Variants in ALK observed in about 807,000 individuals in gnomAD.
ALK encodes the protein ALK receptor tyrosine kinase, also known as ALK tyrosine kinase receptor.
In ALK, 74 loss-of-function variants were observed where a neutral mutation model predicts 163.1. That is an observed-to-expected ratio of 0.45 (90% confidence interval 0.38 to 0.55). The LOEUF is 0.55. Ranked by LOEUF, ALK falls within the 20% of genes least tolerant of loss-of-function variation. ALK has a pLI of 0.00. For missense variants in ALK, 2,063 were observed against 2,105.3 expected, an observed-to-expected ratio of 0.98 and a Z score of 0.39; for synonymous variants, 960 against 843.2, an observed-to-expected ratio of 1.14 and a Z score of -2.40.
intron 19 of ALK, chr2:29,224,619 C>T (rs917853982): frequency 4.4e-6 from 1 of 226,904 alleles, no homozygotes; most frequent in Non-Finnish European, 8.8e-6. Context: ...ATGAGTCACC[C>T]GCTATGTGCT....
chr2:29,541,046 A>G (rs1424634511), intron 3 of ALK, among the ~76,000 whole-genome samples: 5 of 152,156 alleles, frequency 3.3e-5, no homozygotes, highest in Non-Finnish European at 7.4e-5. Flanking sequence ...TTCCATAGAA[A>G]TACCTTTTAT....
chr2:29,604,429 A>C (rs1296757861), intron 3 of ALK, among the ~76,000 whole-genome samples: 1 of 152,168 alleles, frequency 6.6e-6, no homozygotes, highest in Non-Finnish European at 1.5e-5. Flanking sequence ...CAGATCTTTC[A>C]AACTCCTGCA....
At chr2:29,589,514 A>T (rs1403807634) in intron 3 of ALK, among the ~76,000 whole-genome samples, 1 of 152,214 alleles carries the variant, frequency 6.6e-6, no homozygotes, top group Non-Finnish European at 1.5e-5. Context: ...AAGTTTGTAC[A>T]GCTTATGAAC....
chr2:29,283,122 G>A (rs538198127), intron 9 of ALK, among the ~76,000 whole-genome samples: 2 of 152,216 alleles, frequency 1.3e-5, no homozygotes, highest in African/African-American at 4.8e-5. Context: ...CCTAGGGAAG[G>A]ATTCAAGTGC....
At chr2:29,603,599 T>A (rs1481615007) in intron 3 of ALK, among the ~76,000 whole-genome samples, 1 of 152,060 alleles carries the variant, frequency 6.6e-6, no homozygotes, top group East Asian at 1.9e-4. Flanking sequence ...TAGTTTTTTT[T>A]AGGCTTCCTT....
intron 4 of ALK, among the ~76,000 whole-genome samples, chr2:29,404,877 C>A (rs775209389): frequency 6.6e-6 from 1 of 152,134 alleles, no homozygotes; most frequent in Non-Finnish European, 1.5e-5. Flanking sequence ...CGAGGAAAAG[C>A]AGCACTCAAG....
At chr2:29,688,839 A>T (rs1049228206) in intron 3 of ALK, among the ~76,000 whole-genome samples, 1 of 152,140 alleles carries the variant, frequency 6.6e-6, no homozygotes, top group African/African-American at 2.4e-5. Flanking sequence ...CTACAGACAA[A>T]CTGAAGTGTG....
At chr2:29,480,194 C>T (rs1171054552) in intron 4 of ALK, among the ~76,000 whole-genome samples, 1 of 152,110 alleles carries the variant, frequency 6.6e-6, no homozygotes, top group African/African-American at 2.4e-5. Context: ...AGGAAAAGTA[C>T]AGTCTCATGT....
intron 4 of ALK, among the ~76,000 whole-genome samples, chr2:29,454,628 T>C (rs149242100): frequency 2.0e-5 from 3 of 152,240 alleles, no homozygotes; most frequent in African/African-American, 7.2e-5. Context: ...ATTGCATTGA[T>C]GAATATTATT....
intron 4 of ALK, among the ~76,000 whole-genome samples, chr2:29,454,982 C>T (rs1392763300): frequency 6.6e-6 from 1 of 152,276 alleles, no homozygotes; most frequent in East Asian, 1.9e-4. Flanking sequence ...AAATCACTGG[C>T]CCTAATTTAC....
chr2:29,212,864 C>T (rs1262674929), intron 24 of ALK, among the ~76,000 whole-genome samples: 1 of 152,086 alleles, frequency 6.6e-6, no homozygotes, highest in Non-Finnish European at 1.5e-5. Context: ...CCCCACCATG[C>T]CTGGCTAATT....
At chr2:29,345,896 C>T (rs541878754) in intron 5 of ALK, among the ~76,000 whole-genome samples, 1 of 152,124 alleles carries the variant, frequency 6.6e-6, no homozygotes, top group Non-Finnish European at 1.5e-5. Flanking sequence ...AACAGCATAG[C>T]AAAATCCATT....
intron 3 of ALK, among the ~76,000 whole-genome samples, chr2:29,638,064 A>G (rs1676593873): frequency 6.6e-6 from 1 of 152,156 alleles, no homozygotes; most frequent in African/African-American, 2.4e-5. Flanking sequence ...GCTGTGGAAT[A>G]TGTTCTTCTC....
At chr2:29,898,412 T>A (rs1036284396) in intron 1 of ALK, among the ~76,000 whole-genome samples, 3 of 152,210 alleles carry the variant, frequency 2.0e-5, no homozygotes, top group African/African-American at 7.2e-5. Context: ...ATGAGGTGAC[T>A]AATTATATCA....
At chr2:29,593,876 T>G (rs943786406) in intron 3 of ALK, among the ~76,000 whole-genome samples, 5 of 152,226 alleles carry the variant, frequency 3.3e-5, no homozygotes, top group African/African-American at 1.2e-4. Context: ...TAAAGTTGAT[T>G]GTGACATTTT....
chr2:29,625,971 A>T (rs1301800470), intron 3 of ALK, among the ~76,000 whole-genome samples: 1 of 152,212 alleles, frequency 6.6e-6, no homozygotes, highest in Non-Finnish European at 1.5e-5. Context: ...CTGAATCTTA[A>T]AACATAGGTT....
At chr2:29,327,800 A>T (rs1049915466) in intron 6 of ALK, among the ~76,000 whole-genome samples, 6 of 152,138 alleles carry the variant, frequency 3.9e-5, no homozygotes, top group Non-Finnish European at 8.8e-5. Context: ...CCAGAGGGAG[A>T]AGAACCAGTG....
chr2:29,805,254 A>C (rs996305707), intron 1 of ALK, among the ~76,000 whole-genome samples: 1 of 152,230 alleles, frequency 6.6e-6, no homozygotes, highest in African/African-American at 2.4e-5. Flanking sequence ...GGATAGAAGC[A>C]CTATACAAAT....
At chr2:29,416,771 C>T (rs551501479) in intron 4 of ALK, among the ~76,000 whole-genome samples, 3 of 152,152 alleles carry the variant, frequency 2.0e-5, no homozygotes, top group African/African-American at 7.2e-5. Flanking sequence ...TCCAGACTCC[C>T]CAACCAATAG....
Sources: gnomAD v4.1 joint callset for allele counts (sites outside exome capture counted in the v4.1 genomes callset) on GRCh38, gnomAD v4.1.1 for gene constraint, MANE v1.5 for transcripts, NCBI Gene and HGNC (gene_info 2026-07-23, HGNC 2026-07-21) for gene names.